Variants in DOCK8 observed in about 807,000 individuals in gnomAD.
The protein encoded by DOCK8 is dedicator of cytokinesis 8.
Under a neutral mutation model 245.6 loss-of-function variants are expected in DOCK8, and 141 were observed. That is an observed-to-expected ratio of 0.57 (90% CI 0.50 to 0.66). The LOEUF is 0.66. Ranked by LOEUF, DOCK8 falls within the 30% of genes least tolerant of loss-of-function variation. The pLI, the probability that DOCK8 is intolerant of heterozygous loss-of-function variation, is 0.00. For synonymous variants in DOCK8, 1,168 were observed against 970.2 expected (o/e 1.20, Z -3.79); for missense variants, 2,965 against 2,603.4 (o/e 1.14, Z -3.02).
chr9:289,784 C>T (rs2048965019), intron 4 of DOCK8, among the ~76,000 whole-genome samples: 1 of 152,138 alleles, frequency 6.6e-6, no homozygotes, highest in Non-Finnish European at 1.5e-5. Context: ...TAGTGTGGTA[C>T]ATTTGTTACA....
At chr9:266,535 C>T (rs1188180732) in intron 1 of DOCK8, among the ~76,000 whole-genome samples, 2 of 152,156 alleles carry the variant, frequency 1.3e-5, no homozygotes, top group Non-Finnish European at 1.5e-5. Flanking sequence ...GGGGTAGGTC[C>T]AGGAATTCGA....
chr9:305,690 C>T (rs1004284412), intron 5 of DOCK8, among the ~76,000 whole-genome samples: 1 of 152,144 alleles, frequency 6.6e-6, no homozygotes, highest in African/African-American at 2.4e-5. Flanking sequence ...TTTTTAAATG[C>T]CTGGGGTCAT....
At chr9:215,607 T>C (rs1163059979) in intron 1 of DOCK8, 2 of 593,652 alleles carry the variant, frequency 3.4e-6, no homozygotes, top group Non-Finnish European at 2.6e-6. Context: ...GTGGAAAAAG[T>C]GATTTTTTAA....
intron 19 of DOCK8, 103 bp from the exon 20 acceptor site, chr9:376,874 A>T: frequency 9.6e-7 from 1 of 1,041,220 alleles, no homozygotes; most frequent in South Asian, 1.4e-5. Context: ...GAAACGCTGG[A>T]TAAGAGGTTC....
chr9:410,783 C>T (rs1389088838), intron 28 of DOCK8, among the ~76,000 whole-genome samples: 3 of 152,094 alleles, frequency 2.0e-5, no homozygotes, highest in Non-Finnish European at 4.4e-5. Context: ...AGATGAAAAG[C>T]TTGTTATTTG....
chr9:362,837 T>C (rs994371132), intron 14 of DOCK8, among the ~76,000 whole-genome samples: 9 of 152,244 alleles, frequency 5.9e-5, no homozygotes, highest in Admixed American at 5.2e-4. Flanking sequence ...TAGGATAAAC[T>C]TGGGAGAAGC....
chr9:323,312 C>G (rs1324516048), intron 7 of DOCK8, among the ~76,000 whole-genome samples: 1 of 146,118 alleles, frequency 6.8e-6, no homozygotes, highest in Admixed American at 7.1e-5. Flanking sequence ...CAACTTCTGC[C>G]TCCCAGGTTC....
At chr9:221,579 A>G (rs1330498751) in intron 1 of DOCK8, among the ~76,000 whole-genome samples, 16 of 152,168 alleles carry the variant, frequency 1.1e-4, no homozygotes, top group Non-Finnish European at 1.5e-5. Flanking sequence ...TTGGAGGCCA[A>G]GGTGAGTGGA....
chr9:305,818 C>T (rs2049800625), intron 5 of DOCK8, among the ~76,000 whole-genome samples: 2 of 152,154 alleles, frequency 1.3e-5, no homozygotes, highest in African/African-American at 4.8e-5. Flanking sequence ...AAAAGTTAAG[C>T]TCTATACACC....
rs779862559 is a variant in DOCK8 at position 382,565 on chromosome 9, A to G, written c.2658A>G (p.Thr886=). 1.6e-5 allele frequency: 26 copies of G among 1,613,980 alleles called. No homozygotes were observed. The highest frequency in any genetic ancestry group is 2.2e-5 in the Non-Finnish European group (26 of 1,179,988). ...GGAGCTACCACACGTATGGCCGCAC[A>G]TCAGCTGCTGCTGTGAGTTCAAAGC... ...DPRSYHTYGR[T]SAAAVSSKLL... Residue 886 remains threonine, a synonymous_variant, in exon 22 of 48, where the codon ACA becomes ACG. Transcript: ENST00000432829.
intron 17 of DOCK8, 127 bp from the exon 18 acceptor site, chr9:372,058 T>A: frequency 1.2e-6 from 1 of 816,814 alleles, no homozygotes; most frequent in Non-Finnish European, 2.0e-6. Context: ...CAGAAATTAC[T>A]GCCAAAAAGA....
chr9:228,003 C>T (rs2047026889), intron 1 of DOCK8, among the ~76,000 whole-genome samples: 1 of 152,118 alleles, frequency 6.6e-6, no homozygotes, highest in African/African-American at 2.4e-5. Context: ...TCATTGAAAA[C>T]CTCTGAATTA....
chr9:269,008 T>A (rs73374517), intron 1 of DOCK8, among the ~76,000 whole-genome samples: 1 of 152,304 alleles, frequency 6.6e-6, no homozygotes, highest in South Asian at 2.1e-4. Context: ...CACACTAATT[T>A]TTTGCCTTCA....
intron 28 of DOCK8, 28 bp downstream of exon 28, chr9:407,097 A>T (rs767784899): frequency 6.2e-7 from 1 of 1,613,964 alleles, no homozygotes; most frequent in East Asian, 2.2e-5. Flanking sequence ...AAAATGGAAG[A>T]TGAAGCCAAA....
intron 43 of DOCK8, among the ~76,000 whole-genome samples, chr9:444,346 A>ATAATAATAATAATAAT (rs1439003731): frequency 6.7e-6 from 1 of 149,178 alleles, no homozygotes; most frequent in Non-Finnish European, 1.5e-5. Flanking sequence ...AATAATAATA[A>ATAATAATAATAATAAT]TAATAATAAT....
chr9:431,319 A>G (rs2056703548), intron 36 of DOCK8, among the ~76,000 whole-genome samples: 1 of 152,216 alleles, frequency 6.6e-6, no homozygotes, highest in Admixed American at 6.5e-5. Context: ...CTCAAGTGAT[A>G]TATAAAGATA....
At chr9:324,958 T>C (rs2050692895) in intron 7 of DOCK8, among the ~76,000 whole-genome samples, 1 of 152,102 alleles carries the variant, frequency 6.6e-6, no homozygotes, top group African/African-American at 2.4e-5. Context: ...TGTAGTTTTT[T>C]TATCCCTCAT....
intron 14 of DOCK8, among the ~76,000 whole-genome samples, chr9:347,846 T>C (rs1412023665): frequency 2.6e-5 from 4 of 152,242 alleles, no homozygotes; most frequent in Non-Finnish European, 4.4e-5. Context: ...CCTAAGGTTA[T>C]GACAGCAAAG....
chr9:357,704 A>C (rs1450634698), intron 14 of DOCK8, among the ~76,000 whole-genome samples: 1 of 152,082 alleles, frequency 6.6e-6, no homozygotes, highest in Non-Finnish European at 1.5e-5. Context: ...CCTGTGGAGG[A>C]CAGGGGTTAC....
Sources: allele counts gnomAD v4.1 joint callset (sites outside exome capture counted in the v4.1 genomes callset), GRCh38; gene constraint gnomAD v4.1.1; transcripts MANE v1.5; gene names NCBI Gene and HGNC (gene_info 2026-07-23, HGNC 2026-07-21).